The following PTPRN2 variants were observed in gnomAD, a reference collection of about 807,000 sequenced individuals.
PTPRN2 encodes protein tyrosine phosphatase receptor type N2.
A neutral mutation model predicts 118.8 loss-of-function variants in PTPRN2; 74 were observed. The ratio of observed to expected loss-of-function variants is 0.62; its 90% CI spans 0.52 to 0.76. The LOEUF is 0.76. Among genes scored for constraint, PTPRN2 ranks in the 30% least tolerant of loss-of-function variants. PTPRN2 has a pLI of 0.00. For missense variants in PTPRN2, 1,481 were observed against 1,394.4 expected, an observed-to-expected ratio of 1.06 and a Z score of -0.99; for synonymous variants, 641 against 608.0, an observed-to-expected ratio of 1.05 and a Z score of -0.80.
At chr7:157,945,371 C>A (rs1303109871) in intron 11 of PTPRN2, among the ~76,000 whole-genome samples, 4 of 152,132 alleles carry the variant, frequency 2.6e-5, no homozygotes, top group South Asian at 2.1e-4. Context: ...GTCCCGAAGA[C>A]CCCCCGCCTG....
intron 3 of PTPRN2, among the ~76,000 whole-genome samples, chr7:158,279,577 C>G (rs529095695): frequency 2.7e-4 from 41 of 152,346 alleles, no homozygotes; most frequent in African/African-American, 9.9e-4. Context: ...AGTCCTCTCA[C>G]GGGATCCAGC....
intron 12 of PTPRN2, among the ~76,000 whole-genome samples, chr7:157,770,571 T>C (rs939633456): frequency 2.0e-5 from 3 of 152,204 alleles, no homozygotes; most frequent in Non-Finnish European, 2.9e-5. Flanking sequence ...TCCTACTCTC[T>C]CCTTTGGGGA....
At position 158,260,055 on chromosome 7, in the gene PTPRN2, G is replaced by A. The variant is rs908589028; in HGVS notation, c.278-54782C>T. Among the ~76,000 whole-genome samples the A allele has an allele frequency of 3.3e-5, 5 of 152,212 alleles. No homozygotes were observed. In the East Asian group the frequency reaches 5.8e-4, roughly 18 times the overall value. ...TGTGCGTTTGTGTGTACATGTGTGT[G>A]CATGCACATATTTGTGTGTATGTGC... On this transcript the variant is annotated intron_variant, in intron 3 of 22. Transcript: ENST00000389418.
chr7:157,556,574 C>A (rs538182861), intron 21 of PTPRN2, among the ~76,000 whole-genome samples: 1 of 150,690 alleles, frequency 6.6e-6, no homozygotes, highest in African/African-American at 2.4e-5. Flanking sequence ...CATGCACACA[C>A]ATACACATTC....
intron 11 of PTPRN2, among the ~76,000 whole-genome samples, chr7:157,946,310 C>G (rs1299659332): frequency 6.6e-6 from 1 of 152,104 alleles, no homozygotes; most frequent in African/African-American, 2.4e-5. Flanking sequence ...TAAAATCCAG[C>G]TGGTCCTGAG....
chr7:158,407,514 GC>G (rs1813664304), intron 2 of PTPRN2, among the ~76,000 whole-genome samples: 1 of 15,180 alleles, frequency 6.6e-5, no homozygotes, highest in Non-Finnish European at 1.2e-4. Context: ...CCTGGGTCCT[GC>G]GTCCTGCGTC....
rs750533993 is a variant in PTPRN2, at chr7:157,794,483, C to T, written c.1788+104190G>A. 1.4e-4 allele frequency among the ~76,000 whole-genome samples: 22 copies of T among 152,266 alleles called. No individual in the cohort carries two copies. The highest frequency in any genetic ancestry group is 5.1e-4 in the African/African-American group (21 of 41,554). Reference sequence around the variant, plus strand: ...CTATTCTTTGAAGCTTCACTGCTTTCGGATAAGTATGAAAATAGGCTCTCC... The same window carrying T: ...CTATTCTTTGAAGCTTCACTGCTTTTGGATAAGTATGAAAATAGGCTCTCC... On this transcript the variant is annotated intron_variant, in intron 12 of 22. Coordinates refer to ENST00000389418, the MANE Select transcript of PTPRN2 (RefSeq NM_002847.5). This position sits in a 1 kb window ranked among gnomAD's most constrained non-coding sequence, Gnocchi z 5.2.
chr7:158,347,699 C>T (rs1022717368), intron 2 of PTPRN2, among the ~76,000 whole-genome samples: 11 of 111,116 alleles, frequency 9.9e-5, no homozygotes, highest in Middle Eastern at 4.4e-3. Context: ...CTAGGTAGTA[C>T]GGACATTTTA....
chr7:158,059,355 A>G (rs1355606102), intron 11 of PTPRN2, among the ~76,000 whole-genome samples: 33 of 102,770 alleles, frequency 3.2e-4, no homozygotes, highest in Admixed American at 2.9e-3. Flanking sequence ...CTCCATCTGC[A>G]CACGGTGACG....
At chr7:157,555,529 C>T (rs1048418807) in intron 21 of PTPRN2, among the ~76,000 whole-genome samples, 6 of 152,170 alleles carry the variant, frequency 3.9e-5, no homozygotes, top group South Asian at 2.1e-4. Context: ...TGAACACGGA[C>T]GGATGGGGTG....
intron 9 of PTPRN2, among the ~76,000 whole-genome samples, chr7:158,118,502 T>C (rs1477229199): frequency 4.6e-5 from 7 of 152,172 alleles, no homozygotes; most frequent in Non-Finnish European, 1.0e-4. Flanking sequence ...AAATCCATAA[T>C]GCACATAGAA....
intron 12 of PTPRN2, among the ~76,000 whole-genome samples, chr7:157,734,032 C>G (rs866807285): frequency 1.5e-5 from 1 of 67,012 alleles, no homozygotes; most frequent in African/African-American, 7.1e-5. Flanking sequence ...GCACAGTTAC[C>G]CTTTCCCGTC....
intron 21 of PTPRN2, among the ~76,000 whole-genome samples, chr7:157,552,124 A>C (rs1437056455): frequency 2.0e-5 from 3 of 149,040 alleles, no homozygotes; most frequent in African/African-American, 7.5e-5. Flanking sequence ...CCCTGTGGTC[A>C]CTGACCACAC....
chr7:157,692,422 T>C (rs1797551413), intron 12 of PTPRN2, among the ~76,000 whole-genome samples: 1 of 152,130 alleles, frequency 6.6e-6, no homozygotes, highest in African/African-American at 2.4e-5. Flanking sequence ...CAAACCTAGT[T>C]CTGTAAAACC....
intron 12 of PTPRN2, among the ~76,000 whole-genome samples, chr7:157,811,332 T>TTTTA (rs1424012856): frequency 4.9e-4 from 64 of 131,288 alleles, no homozygotes; most frequent in African/African-American, 1.7e-3. Context: ...ATCTACTCTA[T>TTTTA]TATATATATA....
At chr7:157,646,352 C>T (rs145993360) in intron 14 of PTPRN2, among the ~76,000 whole-genome samples, 3,886 of 152,240 alleles carry the variant, frequency 0.026, 81 homozygotes, top group Middle Eastern at 0.054. Context: ...CACTCCCCAT[C>T]TGTTCTCTCC....
chr7:158,096,155 T>C (rs560632775), intron 10 of PTPRN2, among the ~76,000 whole-genome samples: 3 of 152,276 alleles, frequency 2.0e-5, no homozygotes, highest in African/African-American at 7.2e-5. Flanking sequence ...ACAGCAGACG[T>C]TATTCTAGTT....
rs73176119 is a variant in PTPRN2 at position 158,226,532 on chromosome 7, C to T, written c.278-21259G>A. On this transcript the variant is annotated intron_variant, in intron 3 of 22. Coordinates refer to ENST00000389418, the MANE Select transcript of PTPRN2 (RefSeq NM_002847.5). ...CAGGGACAGACTGCTGAGAGGGAAACGGAGGCGGCAGAGCAAGTGGTGGCA... is the reference window on the plus strand; with the variant it reads ...CAGGGACAGACTGCTGAGAGGGAAATGGAGGCGGCAGAGCAAGTGGTGGCA... 6.0e-3 allele frequency among the ~76,000 whole-genome samples: 919 copies of T among 152,240 alleles called. 3 individuals carry two copies. Among genetic ancestry groups the T allele is most frequent in the Non-Finnish European group, 1.0e-2 (680 of 68,008 alleles).
Position 157,598,504 on chromosome 7 carries a change from C to T in PTPRN2, c.2419-3189G>A, listed in dbSNP as rs967233558. 2.0e-5 allele frequency among the ~76,000 whole-genome samples: 3 copies of T among 149,284 alleles called. No individual in the cohort carries two copies. The highest frequency in any genetic ancestry group is 5.2e-5 in the African/African-American group (2 of 38,822). On this transcript the variant is annotated intron_variant, in intron 16 of 22. Coordinates refer to ENST00000389418, the MANE Select transcript of PTPRN2 (RefSeq NM_002847.5). The surrounding 1 kb of genome is among the most constrained non-coding windows in gnomAD (Gnocchi z 5.2). ...GTGAGGAGCTTGGACGTCGGCGTCT[C>T]CGGGCCTCAGTCTCCATATCTGTAT...
Sources: allele counts gnomAD v4.1 joint callset (sites outside exome capture counted in the v4.1 genomes callset), GRCh38; gene constraint gnomAD v4.1.1; non-coding constraint Gnocchi (gnomAD v3.1); transcripts MANE v1.5; gene names NCBI Gene and HGNC (gene_info 2026-07-23, HGNC 2026-07-21).